PURG: variants seen among roughly 807,000 people sequenced by gnomAD.
The protein encoded by PURG is purine-rich element-binding protein gamma.
In PURG, 3 loss-of-function variants were observed where a neutral mutation model predicts 24.3. The observed-to-expected ratio is 0.12, with a 90% confidence interval of 0.06 to 0.32. PURG has a LOEUF of 0.32. Ranked by LOEUF, PURG falls within the 10% of genes least tolerant of loss-of-function variation. The pLI, the probability that PURG is intolerant of heterozygous loss-of-function variation, is 1.00. For missense variants in PURG, 371 were observed against 439.1 expected (o/e 0.84, Z 1.39); for synonymous variants, 180 against 173.1 (o/e 1.04, Z -0.31).
intron 1 of PURG, among the ~76,000 whole-genome samples, chr8:31,009,575 C>T (rs1391983168): frequency 6.6e-6 from 1 of 152,204 alleles, no homozygotes. Context: ...ATTTACTTAA[C>T]AGCAATTCCT....
rs1238043572 is a variant in PURG at position 31,032,743 on chromosome 8, C to T, written c.40G>A (p.Gly14Ser). Reference sequence around the variant, plus strand: ...CCCCCTACATTCTTGCCTCCGCGGCCGCGGCCGCCGCCGCCTCCCCTTCGC... The same window carrying T: ...CCCCCTACATTCTTGCCTCCGCGGCTGCGGCCGCCGCCGCCTCCCCTTCGC... ...ARRRGGGGGR[G>S]RGGKNVGGSG... Residue 14 changes from glycine to serine, a missense_variant, in exon 2 of 2, where the codon GGC becomes AGC. By Grantham distance (56) the Gly-to-Ser change is moderately conservative (BLOSUM62 0). Around this residue, in one of 5 missense-constraint regions of PURG, gnomAD observed 213 missense variants for 230.6 expected, o/e 0.92. Transcript: ENST00000523392. This position sits in a 1 kb window ranked among gnomAD's most constrained non-coding sequence, Gnocchi z 5.9. The T allele has an allele frequency of 7.0e-7, 1 of 1,427,866 alleles. No homozygotes were observed. 88.4% of individuals were successfully genotyped at this position (1,427,866 alleles called of 1,614,324 possible). A position where few individuals can be genotyped will look rare whatever the true frequency, so the allele number is the denominator to read the frequency against.
Position 31,031,543 on chromosome 8 carries a change from T to A in PURG, c.*196A>T. 1 of 604,380 alleles carries A rather than the reference T, an allele frequency of 1.7e-6. No individual in the cohort carries two copies. The highest frequency in any genetic ancestry group is 2.9e-6 in the Non-Finnish European group (1 of 349,422). 37.4% of individuals were successfully genotyped at this position (604,380 alleles called of 1,614,324 possible). On this transcript the variant is annotated 3_prime_UTR_variant, in exon 2 of 2. Transcript: ENST00000523392. ...GCTAAACTATTTAGCTCTGGGAAGG[T>A]TGGAATTCCCGTAAGAATTATAGTG...
rs1811274433 is a variant in PURG at position 31,032,880 on chromosome 8, C to T, written c.-6-92G>A. 3.0e-5 allele frequency: 31 copies of T among 1,024,878 alleles called. No homozygotes were observed. The South Asian group carries it at 1.3e-3, about 42-fold the overall frequency. 63.5% of individuals were successfully genotyped at this position (1,024,878 alleles called of 1,614,324 possible). ...CCTCGGCCTGACCGCCCCGCCGCCG[C>T]CCGCGACCCCCACGCCGGGCCCGGC... is the stretch of plus-strand genomic sequence containing the variant. On this transcript the variant is annotated intron_variant, in intron 1 of 1. Coordinates refer to ENST00000523392, the MANE Select transcript of PURG (RefSeq NM_001323311.2). The surrounding 1 kb of genome is among the most constrained non-coding windows in gnomAD (Gnocchi z 5.9).
At position 31,023,499 on chromosome 8, in the gene PURG, T is replaced by C. The variant is rs144429358; in HGVS notation, c.864+8420A>G. Among the ~76,000 whole-genome samples, 1,296 of 151,300 alleles carry C rather than the reference T, an allele frequency of 8.6e-3. 25 individuals are homozygous for C. Among genetic ancestry groups the C allele is most frequent in the East Asian group, 0.07 (359 of 5,152 alleles). On this transcript the variant is annotated intron_variant, in intron 1 of 1. Coordinates refer to the PURG transcript ENST00000339382. ...CTGAGGACTGGGGTGCTTAAATACA[T>C]GCTTCTCTGCATTCCAGCCTGGGCG...
intron 1 of PURG, among the ~76,000 whole-genome samples, chr8:31,024,031 G>T (rs529828852): frequency 2.0e-4 from 31 of 152,262 alleles, no homozygotes; most frequent in Non-Finnish European, 3.8e-4. Flanking sequence ...ATAATAAGGA[G>T]ATGGGAAATA....
chr8:31,024,237 T>C (rs768512779), intron 1 of PURG, among the ~76,000 whole-genome samples: 2 of 152,198 alleles, frequency 1.3e-5, no homozygotes, highest in Admixed American at 6.5e-5. Flanking sequence ...TGCATCATTA[T>C]AGTTGTTTTT....
At chr8:30,997,003 A>G (rs1375386362) in intron 1 of PURG, among the ~76,000 whole-genome samples, 1 of 151,882 alleles carries the variant, frequency 6.6e-6, no homozygotes, top group Non-Finnish European at 1.5e-5. Flanking sequence ...CAGACACATG[A>G]ATCAATCATG....
At chr8:31,028,021 T>C (rs1563310425), downstream of PURG, among the ~76,000 whole-genome samples, 1 of 151,776 alleles carries the variant, frequency 6.6e-6, no homozygotes, top group African/African-American at 2.4e-5. Flanking sequence ...TATAATATTA[T>C]GTACTGCATA....
At chr8:31,028,159 A>T (rs976590416), downstream of PURG, among the ~76,000 whole-genome samples, 2 of 151,838 alleles carry the variant, frequency 1.3e-5, no homozygotes, top group African/African-American at 4.8e-5. Flanking sequence ...CTCAACTGTA[A>T]TAAGAATTTG....
chr8:30,996,622 G>A, exon 2 of PURG: 1 of 1,611,350 alleles, frequency 6.2e-7, no homozygotes, highest in Non-Finnish European at 8.5e-7. Context: ...GTAGTATCAT[G>A]GGGCTGTTCC....
rs1415911015 is a variant in PURG at position 31,032,163 on chromosome 8, C to A, written c.620G>T (p.Gly207Val). The part of the protein sequence containing the change: ...RIRQTMMRGT[G>V]MIGYFGHSLG... ...ACTGTGGCCAAAATAACCTATCATG[C>A]CAGTCCCCCGCATCATGGTTTGTCT... is the stretch of plus-strand genomic sequence containing the variant. The change falls in exon 2 of 2, where the codon GGC becomes GTC. Residue 207 changes from glycine to valine, a missense_variant. Physicochemically the swap from Gly to Val is moderately radical, Grantham distance 109. Transcript: ENST00000523392. This position sits in a 1 kb window ranked among gnomAD's most constrained non-coding sequence, Gnocchi z 5.9. The A allele has an allele frequency of 6.2e-7, 1 of 1,614,106 alleles. No homozygotes were observed. Among genetic ancestry groups the A allele is most frequent in the Non-Finnish European group, 8.5e-7 (1 of 1,180,050 alleles).
chr8:31,016,581 C>CAAAA (rs11433207), intron 1 of PURG, among the ~76,000 whole-genome samples: 1,456 of 57,472 alleles, frequency 0.025, 111 homozygotes, highest in South Asian at 0.032. Flanking sequence ...TACCAAGAAC[C>CAAAA]AAAAAAAAAA....
At chr8:30,996,632 C>G in exon 2 of PURG, 1 of 1,612,100 alleles carries the variant, frequency 6.2e-7, no homozygotes, top group Non-Finnish European at 8.5e-7. Flanking sequence ...GGGGCTGTTC[C>G]TTATGCTTGA....
At chr8:30,998,457 C>A (rs1014988648) in intron 1 of PURG, among the ~76,000 whole-genome samples, 1 of 151,618 alleles carries the variant, frequency 6.6e-6, no homozygotes, top group African/African-American at 2.4e-5. Flanking sequence ...ATTAATTTAT[C>A]ATTAAAATAT....
intron 1 of PURG, among the ~76,000 whole-genome samples, chr8:31,009,040 A>G (rs1585356490): frequency 6.6e-6 from 1 of 152,254 alleles, no homozygotes; most frequent in East Asian, 1.9e-4. Flanking sequence ...TGATAATCTT[A>G]GCCATATTGA....
chr8:31,029,761 C>G (rs1236309076), downstream of PURG, among the ~76,000 whole-genome samples: 1 of 151,894 alleles, frequency 6.6e-6, no homozygotes, highest in East Asian at 1.9e-4. Flanking sequence ...ATCAGTAGTA[C>G]AGTAATTCAA....
intron 1 of PURG, among the ~76,000 whole-genome samples, chr8:31,001,415 A>G (rs1810533185): frequency 6.6e-6 from 1 of 152,230 alleles, no homozygotes. Context: ...TATCCCAATG[A>G]GCAAGGCAAA....
intron 1 of PURG, among the ~76,000 whole-genome samples, chr8:31,019,699 T>G (rs1810957168): frequency 6.6e-6 from 1 of 150,864 alleles, no homozygotes; most frequent in African/African-American, 2.4e-5. Context: ...GCCTGGCTAA[T>G]TTTTTGTATT....
rs544351679 is a variant in PURG, at chr8:31,022,074, G to A, written c.864+9845C>T. On this transcript the variant is annotated intron_variant, in intron 1 of 1. Coordinates refer to the PURG transcript ENST00000339382. ...CAACCTCCGCCTCCTAGGTTCAAGC[G>A]ATTCTCCTGCCTCAGCCTTCTGACT... Among the ~76,000 whole-genome samples the A allele has an allele frequency of 2.6e-5, 4 of 151,514 alleles. No homozygotes were observed. In the South Asian group the frequency reaches 6.3e-4, roughly 24 times the overall value.
Sources: allele counts gnomAD v4.1 joint callset (sites outside exome capture counted in the v4.1 genomes callset), GRCh38; gene constraint gnomAD v4.1.1; regional missense constraint gnomAD v4.1.1; non-coding constraint Gnocchi (gnomAD v3.1); transcripts MANE v1.5; gene names NCBI Gene and HGNC (gene_info 2026-07-23, HGNC 2026-07-21).